PLAGL1: variants seen among roughly 807,000 people sequenced by gnomAD.
The protein encoded by PLAGL1 is PLAG1 like zinc finger 1.
A neutral mutation model predicts 4.6 loss-of-function variants in PLAGL1; 1 was observed. That is an observed-to-expected ratio of 0.22 (90% confidence interval 0.08 to 1.03). The LOEUF (loss-of-function observed/expected upper bound fraction) is 1.03, where lower values mean the gene tolerates loss of function less well. PLAGL1 is among the 50% of genes least tolerant of loss of function. The pLI is 0.58. For missense variants in PLAGL1, 464 were observed against 570.4 expected, an observed-to-expected ratio of 0.81 and a Z score of 1.90; for synonymous variants, 240 against 237.8, an observed-to-expected ratio of 1.01 and a Z score of -0.08.
intron 1 of PLAGL1, among the ~76,000 whole-genome samples, chr6:144,044,745 C>T (rs912986513): frequency 2.0e-5 from 3 of 151,958 alleles, no homozygotes; most frequent in Non-Finnish European, 2.9e-5. Context: ...CCTTCTGTCT[C>T]AATCTGTCTA....
chr6:143,969,834 A>G (rs1234629612), intron 2 of PLAGL1, among the ~76,000 whole-genome samples: 1 of 151,906 alleles, frequency 6.6e-6, no homozygotes, highest in Non-Finnish European at 1.5e-5. Flanking sequence ...AGTCAAGACC[A>G]CTATTATCAG....
intron 1 of PLAGL1, among the ~76,000 whole-genome samples, chr6:144,047,770 T>C (rs183459830): frequency 7.9e-5 from 12 of 152,258 alleles, no homozygotes; most frequent in Admixed American, 7.2e-4. Context: ...ATTCTAACCA[T>C]ATCATTCTGC....
Position 144,036,873 on chromosome 6 carries a change from CT to C in PLAGL1, c.-151+27594del. 1 of 293,968 alleles carries C rather than the reference CT, an allele frequency of 3.4e-6. No individual in the cohort carries two copies. Among genetic ancestry groups the C allele is most frequent in the Non-Finnish European group, 6.6e-6 (1 of 150,538 alleles). 18.2% of individuals were successfully genotyped at this position (293,968 alleles called of 1,614,324 possible). A position where few individuals can be genotyped will look rare whatever the true frequency, so the allele number is the denominator to read the frequency against. ...GAAGGCCATCCCCTAATGGTTTGTT[CT>C]TGGTGTTGGACAAATCATAAAAGGA... On this transcript the variant is annotated intron_variant, in intron 1 of 3. Transcript: ENST00000437412. This position sits in a 1 kb window ranked among gnomAD's most constrained non-coding sequence, Gnocchi z 5.1.
intron 1 of PLAGL1, among the ~76,000 whole-genome samples, chr6:144,062,126 C>G (rs1183545417): frequency 6.6e-6 from 1 of 151,902 alleles, no homozygotes; most frequent in Admixed American, 6.6e-5. Flanking sequence ...GCCTATAATC[C>G]CAGAACTATG....
At chr6:144,012,265 A>C (rs542836725), upstream of PLAGL1, among the ~76,000 whole-genome samples, 2 of 152,154 alleles carry the variant, frequency 1.3e-5, no homozygotes, top group Admixed American at 6.5e-5. The surrounding 1 kb of genome is among the most constrained non-coding windows in gnomAD (Gnocchi z 4.8). Context: ...CCCAAGCTGG[A>C]GTACAGTGGC....
At chr6:144,045,284 G>C (rs1488604782) in intron 1 of PLAGL1, among the ~76,000 whole-genome samples, 1 of 152,080 alleles carries the variant, frequency 6.6e-6, no homozygotes, top group Non-Finnish European at 1.5e-5. Context: ...AGTATCGATG[G>C]TCTTTACAAT....
chr6:143,967,997 C>CAAAAAAAAAAAAAAA lies in PLAGL1; in HGVS notation c.-472+895_-472+909dup, dbSNP rs60021436. The CAAAAAAAAAAAAAAA allele has an allele frequency of 4.4e-5, 4 of 90,020 alleles. 1 individual carries two copies. The highest frequency in any genetic ancestry group is 9.7e-5 in the African/African-American group (2 of 20,720). The allele number at this position is 90,020 out of a possible 1,614,324, so 5.6% of individuals were successfully genotyped here. On this transcript the variant is annotated intron_variant, in intron 3 of 7. Transcript: ENST00000674357. ...CATTATGACCATCAAGGACATTTTG[C>CAAAAAAAAAAAAAAA]AAAAAAAAAAAAAAAAAAAAACAGT...
chr6:144,047,332 C>T lies in PLAGL1; in HGVS notation c.-151+17136G>A, dbSNP rs145808734. Among the ~76,000 whole-genome samples the T allele has an allele frequency of 4.5e-4, 69 of 152,264 alleles. 1 individual carries two copies. Among genetic ancestry groups the T allele is most frequent in the Middle Eastern group, 3.4e-3 (1 of 294 alleles). Reference sequence around the variant, plus strand: ...CTGTTCCTATTTGGCCATCTTGGAGCGGACCATTATTCCAACTATTTACCT... The same window carrying T: ...CTGTTCCTATTTGGCCATCTTGGAGTGGACCATTATTCCAACTATTTACCT... On this transcript the variant is annotated intron_variant, in intron 1 of 3. Coordinates refer to the PLAGL1 transcript ENST00000437412.
Position 144,006,754 on chromosome 6 carries a change from T to C in PLAGL1, c.-584+1336A>G, listed in dbSNP as rs1326075800. ...TACAGTCAACCTTCTTGTACACGTC[T>C]GCTTGTGGACATGTATTAAAATTTA... On this transcript the variant is annotated intron_variant, in intron 1 of 7. Coordinates refer to ENST00000674357, the MANE Select transcript of PLAGL1 (RefSeq NM_001317162.2). This position sits in a 1 kb window ranked among gnomAD's most constrained non-coding sequence, Gnocchi z 4.3. The C allele has an allele frequency of 1.3e-5, 2 of 152,244 alleles. No individual in the cohort carries two copies. Among genetic ancestry groups the C allele is most frequent in the Non-Finnish European group, 2.9e-5 (2 of 68,050 alleles). 9.4% of individuals were successfully genotyped at this position (152,244 alleles called of 1,614,324 possible). A position where few individuals can be genotyped will look rare whatever the true frequency, so the allele number is the denominator to read the frequency against.
At chr6:143,980,306 C>T (rs1468776551) in intron 2 of PLAGL1, among the ~76,000 whole-genome samples, 2 of 151,766 alleles carry the variant, frequency 1.3e-5, no homozygotes, top group East Asian at 3.9e-4. Context: ...TCCTCTCCCT[C>T]CTTTGGGGAC....
chr6:143,946,401 C>A (rs2128515030), intron 7 of PLAGL1, among the ~76,000 whole-genome samples: 1 of 152,326 alleles, frequency 6.6e-6, no homozygotes, highest in East Asian at 1.9e-4. Flanking sequence ...GGTAAGGACG[C>A]TTACCCTCCG....
intron 6 of PLAGL1, among the ~76,000 whole-genome samples, chr6:143,951,468 C>T (rs1781060218): frequency 6.6e-6 from 1 of 152,252 alleles, no homozygotes. Context: ...CATTCTTTCT[C>T]AGCAGATGTA....
rs951739963 is a variant in PLAGL1, at chr6:144,043,386, G to T, written c.-151+21082C>A. On this transcript the variant is annotated intron_variant, in intron 1 of 3. Coordinates refer to the PLAGL1 transcript ENST00000437412. ...TTTACTGAGAGTTTTTAGCATGAAG[G>T]GCTGTTGAATTTTGTTGAAGGCCTT... Among the ~76,000 whole-genome samples, 6 of 152,220 alleles carry T rather than the reference G, an allele frequency of 3.9e-5. No homozygotes were observed. In the South Asian group the frequency reaches 1.2e-3, roughly 32 times the overall value.
chr6:144,034,942 T>C lies in PLAGL1; in HGVS notation c.-151+29526A>G, dbSNP rs899996131. Among the ~76,000 whole-genome samples, 12 of 152,192 alleles carry C rather than the reference T, an allele frequency of 7.9e-5. No homozygotes were observed. The highest frequency in any genetic ancestry group is 2.9e-4 in the African/African-American group (12 of 41,446). On this transcript the variant is annotated intron_variant, in intron 1 of 3. Coordinates refer to the PLAGL1 transcript ENST00000437412. This position sits in a 1 kb window ranked among gnomAD's most constrained non-coding sequence, Gnocchi z 4.7. ...AGGTTTGGACAAAAATCTTTGAGTA[T>C]TAACTTGGAAATAAGGTAAATTGAT...
chr6:144,028,025 C>T (rs185555662), intron 1 of PLAGL1, among the ~76,000 whole-genome samples: 130 of 152,322 alleles, frequency 8.5e-4, no homozygotes, highest in African/African-American at 3.0e-3. Flanking sequence ...TTTGAAGTCT[C>T]AGCACCTCAA....
intron 1 of PLAGL1, among the ~76,000 whole-genome samples, chr6:143,998,447 A>C (rs1792142322): frequency 6.6e-6 from 1 of 152,226 alleles, no homozygotes; most frequent in Non-Finnish European, 1.5e-5. Flanking sequence ...AAAGTTTCCT[A>C]ATCTCTTTGA....
In PLAGL1 at chr6:143,964,286, T is replaced by C. The variant is rs1321165310; in HGVS notation, c.-399+501A>G. On this transcript the variant is annotated intron_variant, in intron 5 of 7. Coordinates refer to ENST00000674357, the MANE Select transcript of PLAGL1 (RefSeq NM_001317162.2). The surrounding 1 kb of genome is among the most constrained non-coding windows in gnomAD (Gnocchi z 4.3). Reference sequence around the variant, plus strand: ...GGGGCAGACAGCTACAAGGATTCAATAAATCACTACTTTGATAAACTGAAG... The same window carrying C: ...GGGGCAGACAGCTACAAGGATTCAACAAATCACTACTTTGATAAACTGAAG... 6.6e-6 allele frequency among the ~76,000 whole-genome samples: 1 copy of C among 152,136 alleles called. No individual in the cohort carries two copies.
rs1274714446 is a variant in PLAGL1, at chr6:144,036,032, C to T, written c.-151+28436G>A. Among the ~76,000 whole-genome samples the T allele has an allele frequency of 6.6e-6, 1 of 152,068 alleles. No individual in the cohort carries two copies. The highest frequency in any genetic ancestry group is 2.4e-5 in the African/African-American group (1 of 41,406). On this transcript the variant is annotated intron_variant, in intron 1 of 3. Coordinates refer to the PLAGL1 transcript ENST00000437412. This position sits in a 1 kb window ranked among gnomAD's most constrained non-coding sequence, Gnocchi z 5.1. ...TGGATGGCCATCTGATTACGTGTGGCTTAGCCTGGAAACCCTCAATGCAGG... is the reference window on the plus strand; with the variant it reads ...TGGATGGCCATCTGATTACGTGTGGTTTAGCCTGGAAACCCTCAATGCAGG...
intron 1 of PLAGL1, among the ~76,000 whole-genome samples, chr6:144,044,596 A>G (rs1797982830): frequency 6.6e-6 from 1 of 152,182 alleles, no homozygotes; most frequent in African/African-American, 2.4e-5. Context: ...TTTTACTTCC[A>G]ACTGGTCAAC....
Sources: allele counts gnomAD v4.1 joint callset (sites outside exome capture counted in the v4.1 genomes callset), GRCh38; gene constraint gnomAD v4.1.1; non-coding constraint Gnocchi (gnomAD v3.1); transcripts MANE v1.5; gene names NCBI Gene and HGNC (gene_info 2026-07-23, HGNC 2026-07-21).